Variants in SLC25A20 observed in about 807,000 individuals in gnomAD.
SLC25A20 encodes solute carrier family 25 member 20.
A neutral mutation model predicts 39.7 loss-of-function variants in SLC25A20; 29 were observed. The observed-to-expected ratio is 0.73, with a 90% confidence interval of 0.54 to 1.00. SLC25A20 has a LOEUF of 1.00. Among genes scored for constraint, SLC25A20 ranks in the 50% least tolerant of loss-of-function variants. The pLI is 0.00. For synonymous variants in SLC25A20, 103 were observed against 142.2 expected (o/e 0.72, Z 1.96); for missense variants, 333 against 379.9 (o/e 0.88, Z 1.03).
rs1406980035 is a variant in SLC25A20 at position 48,892,051 on chromosome 3, G to A, written c.127C>T (p.Pro43Ser). Reference sequence around the variant, plus strand: ...ATGGGAGGTTGTCCAGGCAAACTCGGTGGCTGTGTCTGCAGTCGGACCTGA... The same window carrying A: ...ATGGGAGGTTGTCCAGGCAAACTCGATGGCTGTGTCTGCAGTCGGACCTGA... Reference protein sequence around the residue: ...TVKVRLQTQPPSLPGQPPMYS... With the variant: ...TVKVRLQTQPSSLPGQPPMYS... Residue 43 changes from proline to serine, a missense_variant, in exon 2 of 9, where the codon CCG becomes TCG. Coordinates refer to ENST00000319017, the MANE Select transcript of SLC25A20 (RefSeq NM_000387.6). The A allele has an allele frequency of 3.1e-6, 5 of 1,614,084 alleles. No individual in the cohort carries two copies. The highest frequency in any genetic ancestry group is 4.2e-6 in the Non-Finnish European group (5 of 1,179,968).
Position 48,857,455 on chromosome 3 carries a change from G to A in SLC25A20, c.*255C>T, listed in dbSNP as rs2083588469. 2.0e-6 allele frequency: 1 copy of A among 504,980 alleles called. No homozygotes were observed. The highest frequency in any genetic ancestry group is 3.6e-6 in the Non-Finnish European group (1 of 275,570). The allele number at this position is 504,980 out of a possible 1,614,324, so 31.3% of individuals were successfully genotyped here. A position where few individuals can be genotyped will look rare whatever the true frequency, so the allele number is the denominator to read the frequency against. On this transcript the variant is annotated 3_prime_UTR_variant, in exon 9 of 9. Transcript: ENST00000319017. ...GCCACAGGTAGTATCTGGTCTGGAA[G>A]CTACTTGTTCCATTTCCAAATCCTT...
At chr3:48,893,114 A>G (rs1404857649) in intron 1 of SLC25A20, among the ~76,000 whole-genome samples, 1 of 151,280 alleles carries the variant, frequency 6.6e-6, no homozygotes, top group Non-Finnish European at 1.5e-5. Context: ...TACAACCTTG[A>G]CCTCCTGGGC....
rs1575992941 is a variant in SLC25A20, at chr3:48,892,057, G to A, written c.121C>T (p.Gln41Ter). 4 of 1,613,984 alleles carry A rather than the reference G, an allele frequency of 2.5e-6. No individual in the cohort carries two copies. Among genetic ancestry groups the A allele is most frequent in the Non-Finnish European group, 3.4e-6 (4 of 1,179,878 alleles). ...GGTTGTCCAGGCAAACTCGGTGGCT[G>A]TGTCTGCAGTCGGACCTGAAAACAG... is the stretch of plus-strand genomic sequence containing the variant. ...LDTVKVRLQT[Q>*]PPSLPGQPPM... The change falls in exon 2 of 9, where the codon CAG becomes TAG. Residue 41 changes from glutamine to a stop codon, truncating the protein, a stop_gained. Coordinates refer to ENST00000319017, the MANE Select transcript of SLC25A20 (RefSeq NM_000387.6). LOFTEE classifies it high-confidence loss of function.
Position 48,890,808 on chromosome 3 carries a change from C to T in SLC25A20, c.198+1172G>A, listed in dbSNP as rs191545780. Among the ~76,000 whole-genome samples the T allele has an allele frequency of 1.1e-3, 168 of 151,502 alleles. No individual in the cohort carries two copies. In the Middle Eastern group the frequency reaches 0.017, roughly 15 times the overall value. ...TAGCTGGGACTACAGGTGCCCGCCA[C>T]GACGTCCGGCTAATTTTTTGTATTT... On this transcript the variant is annotated intron_variant, in intron 2 of 8. Transcript: ENST00000319017.
chr3:48,898,627 G>C, intron 1 of SLC25A20, 63 bp downstream of exon 1: 1 of 1,445,106 alleles, frequency 6.9e-7, no homozygotes, highest in Non-Finnish European at 9.5e-7. Context: ...CCTCGCGGGG[G>C]ACCATGCTTT....
chr3:48,859,170 C>A lies in SLC25A20; in HGVS notation c.640G>T (p.Val214Leu). ...VSELSAPRIL[V>L]AGGIAGIFNW... ...AAGATCCCTGCAATGCCCCCAGCCA[C>A]CAAGATCCGAGGGGCACTGAGCTCA... Residue 214 changes from valine to leucine, a missense_variant, in exon 7 of 9, where the codon GTG (valine) becomes TTG (leucine). Coordinates refer to ENST00000319017, the MANE Select transcript of SLC25A20 (RefSeq NM_000387.6). The A allele has an allele frequency of 1.2e-6, 2 of 1,614,060 alleles. No homozygotes were observed. The highest frequency in any genetic ancestry group is 4.5e-5 in the East Asian group (2 of 44,880).
At chr3:48,893,455 G>A (rs1002359958) in intron 1 of SLC25A20, among the ~76,000 whole-genome samples, 1 of 152,068 alleles carries the variant, frequency 6.6e-6, no homozygotes, top group Non-Finnish European at 1.5e-5. Context: ...AGGATCACTT[G>A]AGGCCAGGAG....
At chr3:48,862,498 G>A (rs1307216518) in intron 5 of SLC25A20, 44 bp downstream of exon 5, 1 of 1,290,330 alleles carries the variant, frequency 7.7e-7, no homozygotes, top group South Asian at 1.2e-5. Flanking sequence ...ACCCACCTCA[G>A]GTGACCTCCC....
At chr3:48,885,548 G>A (rs2083823865) in intron 2 of SLC25A20, among the ~76,000 whole-genome samples, 2 of 152,130 alleles carry the variant, frequency 1.3e-5, no homozygotes, top group African/African-American at 4.8e-5. Context: ...GCTCATGCCT[G>A]TAATTCCAGC....
intron 2 of SLC25A20, among the ~76,000 whole-genome samples, chr3:48,887,758 C>T (rs773138766): frequency 4.6e-5 from 7 of 152,008 alleles, no homozygotes; most frequent in Admixed American, 2.0e-4. Flanking sequence ...AAAAATTAGT[C>T]GGGCATGGTG....
At chr3:48,886,266 T>C (rs2083828151) in intron 2 of SLC25A20, among the ~76,000 whole-genome samples, 1 of 152,194 alleles carries the variant, frequency 6.6e-6, no homozygotes, top group Non-Finnish European at 1.5e-5. Context: ...GGCTCATGCC[T>C]GTAATCCCAG....
At chr3:48,897,372 T>A (rs1488279678) in intron 1 of SLC25A20, among the ~76,000 whole-genome samples, 1,555 of 141,496 alleles carry the variant, frequency 0.011, 21 homozygotes, top group African/African-American at 0.031. Flanking sequence ...TATATATTTT[T>A]TTTTTTTTTT....
intron 2 of SLC25A20, among the ~76,000 whole-genome samples, chr3:48,886,829 A>T (rs1309778970): frequency 6.6e-6 from 1 of 152,104 alleles, no homozygotes; most frequent in African/African-American, 2.4e-5. Flanking sequence ...CCATTTTTTT[A>T]AAACAAATAC....
In SLC25A20 at chr3:48,864,554, C is replaced by A. The variant is rs143317906; in HGVS notation, c.418-1895G>T. On this transcript the variant is annotated intron_variant, in intron 4 of 8. Coordinates refer to ENST00000319017, the MANE Select transcript of SLC25A20 (RefSeq NM_000387.6). ...ATGTAAGATAATGTCAATTGAGTAT[C>A]AATGGTTTTTTTTTTTTTTGGTATA... 3.1e-4 allele frequency among the ~76,000 whole-genome samples: 47 copies of A among 149,452 alleles called. No individual in the cohort carries two copies. The East Asian group carries it at 7.4e-3, about 24-fold the overall frequency.
intron 4 of SLC25A20, among the ~76,000 whole-genome samples, chr3:48,879,041 T>C (rs2083781475): frequency 6.6e-6 from 1 of 151,958 alleles, no homozygotes; most frequent in African/African-American, 2.4e-5. Flanking sequence ...TGGCTAATTT[T>C]TGTATTTTTA....
At chr3:48,886,865 TAGAG>T (rs2083833376) in intron 2 of SLC25A20, among the ~76,000 whole-genome samples, 1 of 152,158 alleles carries the variant, frequency 6.6e-6, no homozygotes, top group Admixed American at 6.6e-5. Context: ...TTTCTCCTTA[TAGAG>T]AGTAGCAGGA....
chr3:48,870,814 ATTTTT>A (rs71077745), intron 4 of SLC25A20, among the ~76,000 whole-genome samples: 2 of 109,840 alleles, frequency 1.8e-5, no homozygotes, highest in Non-Finnish European at 1.8e-5. Flanking sequence ...CAGGAATCAG[ATTTTT>A]TTTTTTTTTT....
In SLC25A20 at chr3:48,894,183, T is replaced by TTCTCTCTCTCTC. The variant is rs375593797; in HGVS notation, c.106-2123_106-2112dup. Reference sequence around the variant, plus strand: ...CAAAAAAAAAAAAAAAAGAAGAAGATTCTCTCTCTCTCTCTCTCTCTCTCT... The same window carrying TTCTCTCTCTCTC: ...CAAAAAAAAAAAAAAAAGAAGAAGATTCTCTCTCTCTCTCTCTCTCTCTCTCTCTCTCTCTCT... On this transcript the variant is annotated intron_variant, in intron 1 of 8. Coordinates refer to ENST00000319017, the MANE Select transcript of SLC25A20 (RefSeq NM_000387.6). 5.8e-3 allele frequency among the ~76,000 whole-genome samples: 639 copies of TTCTCTCTCTCTC among 110,258 alleles called. 6 individuals carry two copies. Among genetic ancestry groups the TTCTCTCTCTCTC allele is most frequent in the Admixed American group, 0.016 (131 of 8,180 alleles). The allele number at this position is 110,258 out of a possible 152,430, so 72.3% of individuals were successfully genotyped here. A position where few individuals can be genotyped will look rare whatever the true frequency, so the allele number is the denominator to read the frequency against.
At chr3:48,883,868 C>A (rs1159406216) in intron 3 of SLC25A20, 129 bp downstream of exon 3, 3 of 1,118,964 alleles carry the variant, frequency 2.7e-6, no homozygotes, top group Non-Finnish European at 1.3e-6. Flanking sequence ...AGGTGATCCA[C>A]CCGCCTCAGT....
Sources: allele counts gnomAD v4.1 joint callset (sites outside exome capture counted in the v4.1 genomes callset), GRCh38; gene constraint gnomAD v4.1.1; transcripts MANE v1.5; gene names NCBI Gene and HGNC (gene_info 2026-07-23, HGNC 2026-07-21).